The following NEIL3 variants were observed in gnomAD, a reference collection of about 807,000 sequenced individuals.
The protein encoded by NEIL3 is nei like DNA glycosylase 3.
NEIL3 carries 48 observed loss-of-function variants against 57.5 expected under a neutral mutation model. That is an observed-to-expected ratio of 0.83 (90% confidence interval 0.66 to 1.06). The LOEUF (loss-of-function observed/expected upper bound fraction) is 1.06, where lower values mean the gene tolerates loss of function less well. NEIL3 is among the 50% of genes least tolerant of loss of function. The probability of loss-of-function intolerance (pLI) is 0.00; values close to 1 mark genes in which losing one functional copy is unlikely to be tolerated. For synonymous variants in NEIL3, 261 were observed against 253.2 expected, an observed-to-expected ratio of 1.03 and a Z score of -0.29; for missense variants, 717 against 739.1, an observed-to-expected ratio of 0.97 and a Z score of 0.35.
rs749414017 is a variant in NEIL3, at chr4:177,322,492, G to A, written c.190G>A (p.Val64Ile). The A allele has an allele frequency of 1.6e-5, 26 of 1,613,872 alleles. No homozygotes were observed. The highest frequency in any genetic ancestry group is 2.2e-5 in the Non-Finnish European group (26 of 1,179,908). ...AALNNDSSQN[V>I]LSLFNGYVYS... ...ACTGAATAATGATTCCAGCCAGAATGTCTTGAGCCTGTTTAATGGATATGT... is the reference window on the plus strand; with the variant it reads ...ACTGAATAATGATTCCAGCCAGAATATCTTGAGCCTGTTTAATGGATATGT... The change falls in exon 2 of 10, where the codon GTC becomes ATC. Residue 64 changes from valine (V) to isoleucine (I), a missense_variant. Val to Ile is a conservative substitution (Grantham distance 29, BLOSUM62 3). Transcript: ENST00000264596.
chr4:177,327,343 A>G (rs538080192), intron 2 of NEIL3, among the ~76,000 whole-genome samples: 1 of 152,258 alleles, frequency 6.6e-6, no homozygotes, highest in African/African-American at 2.4e-5. Flanking sequence ...GTATACTTTT[A>G]GTATTTTCTA....
chr4:177,339,527 T>C (rs1735045332), intron 4 of NEIL3, among the ~76,000 whole-genome samples: 1 of 152,164 alleles, frequency 6.6e-6, no homozygotes, highest in Non-Finnish European at 1.5e-5. Flanking sequence ...ATCATAAAGT[T>C]ATTGCTCCTC....
At chr4:177,311,398 G>T (rs1012852875) in intron 1 of NEIL3, among the ~76,000 whole-genome samples, 14 of 152,078 alleles carry the variant, frequency 9.2e-5, no homozygotes, top group African/African-American at 3.4e-4. Context: ...GGTGTGGGCC[G>T]GGTGCAGTGG....
intron 1 of NEIL3, among the ~76,000 whole-genome samples, chr4:177,314,381 T>A (rs766621435): frequency 3.3e-5 from 5 of 152,232 alleles, no homozygotes; most frequent in Non-Finnish European, 5.9e-5. Context: ...TGATTTTGAA[T>A]TCCCATTTTT....
At chr4:177,366,255 A>G (rs2110952210), downstream of NEIL3, among the ~76,000 whole-genome samples, 1 of 152,356 alleles carries the variant, frequency 6.6e-6, no homozygotes, top group South Asian at 2.1e-4. Context: ...TATATCATCA[A>G]GGATGGAGAG....
chr4:177,351,373 C>A lies in NEIL3; in HGVS notation c.870-7C>A. Reference sequence around the variant, plus strand: ...AACAATGATTAATTTTAAAAATTATCTTATAGCAAGCTACCGACTAGAAAT... The same window carrying A: ...AACAATGATTAATTTTAAAAATTATATTATAGCAAGCTACCGACTAGAAAT... On this transcript the variant is annotated splice_region_variant and splice_polypyrimidine_tract_variant and intron_variant, in intron 6 of 9. Transcript: ENST00000264596. 1 of 1,593,588 alleles carries A rather than the reference C, an allele frequency of 6.3e-7. No homozygotes were observed. Among genetic ancestry groups the A allele is most frequent in the Non-Finnish European group, 8.6e-7 (1 of 1,167,966 alleles).
chr4:177,319,698 G>T (rs1046856917), intron 1 of NEIL3, among the ~76,000 whole-genome samples: 1 of 152,144 alleles, frequency 6.6e-6, no homozygotes, highest in African/African-American at 2.4e-5. Flanking sequence ...GGGTAAAGGA[G>T]ATTAAAGCAC....
intron 4 of NEIL3, among the ~76,000 whole-genome samples, chr4:177,337,755 T>C (rs946530061): frequency 6.6e-6 from 1 of 152,050 alleles, no homozygotes; most frequent in South Asian, 2.1e-4. Flanking sequence ...TCCCAGCACT[T>C]TGGGAGGCTG....
intron 2 of NEIL3, among the ~76,000 whole-genome samples, chr4:177,332,773 T>A (rs1485858679): frequency 2.6e-5 from 4 of 152,194 alleles, no homozygotes; most frequent in Non-Finnish European, 5.9e-5. Flanking sequence ...TGCTTTCCCA[T>A]TTTTATAGTA....
In NEIL3 at chr4:177,353,454, A is replaced by T; in HGVS notation, c.1186A>T (p.Ser396Cys). The T allele has an allele frequency of 6.2e-7, 1 of 1,614,034 alleles. No homozygotes were observed. The highest frequency in any genetic ancestry group is 1.3e-5 in the African/African-American group (1 of 75,026). ...GTTTLVLTDF[S>C]NKSSTLERKT... ...TACAACTCTTGTCTTGACTGATTTT[A>T]GCAATAAATCCAGTACTTTGGAAAG... Residue 396 changes from serine to cysteine, a missense_variant, in exon 8 of 10, where the codon AGC (serine) becomes TGC (cysteine). By Grantham distance (112) the Ser-to-Cys change is moderately radical. Coordinates refer to ENST00000264596, the MANE Select transcript of NEIL3 (RefSeq NM_018248.3).
At chr4:177,348,549 G>A (rs575724683) in intron 6 of NEIL3, among the ~76,000 whole-genome samples, 4 of 152,200 alleles carry the variant, frequency 2.6e-5, no homozygotes, top group South Asian at 2.1e-4. Context: ...GCACCCAGGC[G>A]CCAGGATTAC....
chr4:177,351,201 C>A (rs1179332105), intron 6 of NEIL3, among the ~76,000 whole-genome samples, 179 bp from the exon 7 acceptor site: 2 of 73,966 alleles, frequency 2.7e-5, no homozygotes, highest in African/African-American at 1.4e-4. Context: ...AAGACCCCAT[C>A]TCTACAAAAA....
At chr4:177,339,642 A>G (rs1735050277) in intron 4 of NEIL3, 141 bp from the exon 5 acceptor site, 1 of 615,936 alleles carries the variant, frequency 1.6e-6, no homozygotes, top group Non-Finnish European at 2.8e-6. Flanking sequence ...GGACCCTCCC[A>G]GTTCAAACCC....
chr4:177,359,831 A>C (rs1735572171), intron 8 of NEIL3, among the ~76,000 whole-genome samples: 1 of 152,204 alleles, frequency 6.6e-6, no homozygotes, highest in Non-Finnish European at 1.5e-5. Context: ...GCCTGTGTAC[A>C]CTGGGTATGA....
At chr4:177,317,273 C>A (rs1734592136) in intron 1 of NEIL3, among the ~76,000 whole-genome samples, 1 of 152,118 alleles carries the variant, frequency 6.6e-6, no homozygotes, top group Non-Finnish European at 1.5e-5. Context: ...GGGTGAAACA[C>A]CAGTAGAGCA....
chr4:177,363,889 T>C (rs146744229), downstream of NEIL3, among the ~76,000 whole-genome samples: 1 of 152,262 alleles, frequency 6.6e-6, no homozygotes, highest in Non-Finnish European at 1.5e-5. Flanking sequence ...TAGCTGGGAA[T>C]ACAGGTGTGT....
chr4:177,341,429 GCACT>G (rs762080543), intron 5 of NEIL3, 43 bp from the exon 6 acceptor site: 7 of 1,495,116 alleles, frequency 4.7e-6, no homozygotes, highest in Non-Finnish European at 4.5e-6. Context: ...CTCCTTGGCA[GCACT>G]GTTTTGTGGA....
chr4:177,370,036 G>C, the NEIL3 span, among the ~76,000 whole-genome samples: 3 of 152,180 alleles, frequency 2.0e-5, no homozygotes, highest in African/African-American at 7.2e-5. Context: ...AGGGGATTAA[G>C]GATGGAAGGA....
At chr4:177,320,484 T>C (rs1388906195) in intron 1 of NEIL3, among the ~76,000 whole-genome samples, 13 of 86,784 alleles carry the variant, frequency 1.5e-4, no homozygotes, top group African/African-American at 5.0e-4. Context: ...TTTTTTTTTT[T>C]TTTTTTTTTT....
Sources: gnomAD v4.1 joint callset for allele counts (sites outside exome capture counted in the v4.1 genomes callset) on GRCh38, gnomAD v4.1.1 for gene constraint, MANE v1.5 for transcripts, NCBI Gene and HGNC (gene_info 2026-07-23, HGNC 2026-07-21) for gene names.